TMTC1: variants seen among roughly 807,000 people sequenced by gnomAD.
TMTC1 encodes the protein protein O-mannosyl-transferase TMTC1.
TMTC1 carries 73 observed loss-of-function variants against 104.8 expected under a neutral mutation model. The observed-to-expected ratio is 0.70, with a 90% CI of 0.58 to 0.85. TMTC1 has a LOEUF of 0.85. TMTC1 is among the 40% of genes least tolerant of loss of function. The pLI, the probability that TMTC1 is intolerant of heterozygous loss-of-function variation, is 0.00. For synonymous variants in TMTC1, 434 were observed against 428.7 expected, an observed-to-expected ratio of 1.01 and a Z score of -0.15; for missense variants, 1,035 against 1,096.1, an observed-to-expected ratio of 0.94 and a Z score of 0.79.
Position 29,643,798 on chromosome 12 carries a change from C to CATATTTATATATTTATATATTTATAT in TMTC1, c.939-10463_939-10462insATATAAATATATAAATATATAAATAT, listed in dbSNP as rs1555180885. On this transcript the variant is annotated intron_variant, in intron 5 of 17. Transcript: ENST00000539277. ...TTATATATTTATATATATTTATATA[C>CATATTTATATATTTATATATTTATAT]ATATTTATATATTTATATATATTTA... Among the ~76,000 whole-genome samples the CATATTTATATATTTATATATTTATAT allele has an allele frequency of 1.3e-3, 44 of 33,432 alleles. 1 individual carries two copies. Among genetic ancestry groups the CATATTTATATATTTATATATTTATAT allele is most frequent in the Non-Finnish European group, 1.9e-3 (36 of 18,752 alleles). The allele number at this position is 33,432 out of a possible 152,430, so 21.9% of individuals were successfully genotyped here.
At chr12:29,568,009 C>T (rs548818336) in intron 9 of TMTC1, among the ~76,000 whole-genome samples, 3 of 152,154 alleles carry the variant, frequency 2.0e-5, no homozygotes, top group Non-Finnish European at 2.9e-5. Flanking sequence ...TCTTTTTCCA[C>T]ATACATGTAC....
At chr12:29,532,961 A>G (rs1944546790) in intron 11 of TMTC1, 1 of 152,040 alleles carries the variant, frequency 6.6e-6, no homozygotes, top group Admixed American at 6.6e-5. Context: ...TGTACCATGG[A>G]AATCTTTCTT....
At chr12:29,590,783 T>C (rs1233448413) in intron 7 of TMTC1, among the ~76,000 whole-genome samples, 2 of 152,106 alleles carry the variant, frequency 1.3e-5, no homozygotes, top group Non-Finnish European at 2.9e-5. Context: ...AAACTCCGTC[T>C]CAAACAAAAC....
rs373433450 is a variant in TMTC1 at position 29,656,700 on chromosome 12, C to T, written c.939-23364G>A. Among the ~76,000 whole-genome samples, 60 of 152,266 alleles carry T rather than the reference C, an allele frequency of 3.9e-4. No individual in the cohort carries two copies. In the East Asian group the frequency reaches 4.8e-3, roughly 12 times the overall value. Reference sequence around the variant, plus strand: ...TTAATTGAACTGCCTGAGTTACAGTCGCTTGGATGGACTGATTCACAGACA... The same window carrying T: ...TTAATTGAACTGCCTGAGTTACAGTTGCTTGGATGGACTGATTCACAGACA... On this transcript the variant is annotated intron_variant, in intron 5 of 17. Transcript: ENST00000539277.
chr12:29,642,850 A>T (rs1324408507), intron 5 of TMTC1, among the ~76,000 whole-genome samples: 2 of 151,730 alleles, frequency 1.3e-5, no homozygotes, highest in Non-Finnish European at 2.9e-5. Flanking sequence ...GCGTGAACCC[A>T]GGAGGCGGAG....
At chr12:29,567,888 G>A (rs1024269468) in intron 9 of TMTC1, among the ~76,000 whole-genome samples, 2 of 152,164 alleles carry the variant, frequency 1.3e-5, no homozygotes, top group Non-Finnish European at 2.9e-5. Flanking sequence ...TAATAAAGTA[G>A]TCTTACTGAT....
chr12:29,505,999 A>AT lies in TMTC1; in HGVS notation c.*846dup, dbSNP rs1221489208. ...ACATTTCTCTTAGTTAATATCTTTA[A>AT]TTTTTTATGTAGAATATACTATTTT... On this transcript the variant is annotated 3_prime_UTR_variant, in exon 18 of 18. Coordinates refer to ENST00000539277, the MANE Select transcript of TMTC1 (RefSeq NM_001193451.2). The AT allele has an allele frequency of 6.6e-6, 1 of 152,132 alleles. No homozygotes were observed. Among genetic ancestry groups the AT allele is most frequent in the Non-Finnish European group, 1.5e-5 (1 of 68,010 alleles). 9.4% of individuals were successfully genotyped at this position (152,132 alleles called of 1,614,324 possible).
chr12:29,682,495 A>G (rs895318844), intron 5 of TMTC1, among the ~76,000 whole-genome samples: 2 of 152,218 alleles, frequency 1.3e-5, no homozygotes, highest in Non-Finnish European at 2.9e-5. Context: ...ACTAAAAAAA[A>G]CCAAAATGTA....
chr12:29,515,751 G>GA (rs1320006180), intron 15 of TMTC1, among the ~76,000 whole-genome samples: 1 of 59,710 alleles, frequency 1.7e-5, no homozygotes, highest in African/African-American at 5.5e-5. Context: ...CAAGGGCAGT[G>GA]ACTTTTTTTT....
At chr12:29,746,664 C>T (rs950750555) in intron 5 of TMTC1, among the ~76,000 whole-genome samples, 1 of 152,110 alleles carries the variant, frequency 6.6e-6, no homozygotes, top group Non-Finnish European at 1.5e-5. Flanking sequence ...TATATGCCTC[C>T]CTATGTCTCT....
intron 5 of TMTC1, among the ~76,000 whole-genome samples, chr12:29,676,150 C>T (rs1418332491): frequency 6.6e-6 from 1 of 152,176 alleles, no homozygotes; most frequent in Non-Finnish European, 1.5e-5. Context: ...ACTAAAATTC[C>T]AAAACCTCAC....
intron 1 of TMTC1, among the ~76,000 whole-genome samples, chr12:29,768,751 C>CCCCA (rs1440507136): frequency 6.6e-6 from 1 of 152,118 alleles, no homozygotes; most frequent in Non-Finnish European, 1.5e-5. Flanking sequence ...GATCTCAGTA[C>CCCCA]CTGATTTCTA....
chr12:29,634,995 G>A (rs1344018313), intron 5 of TMTC1, among the ~76,000 whole-genome samples: 1 of 152,150 alleles, frequency 6.6e-6, no homozygotes, highest in Non-Finnish European at 1.5e-5. Context: ...CTGCAGGGCA[G>A]GAGGGAGATT....
intron 5 of TMTC1, among the ~76,000 whole-genome samples, chr12:29,684,461 A>C (rs1941029178): frequency 6.6e-6 from 1 of 152,192 alleles, no homozygotes; most frequent in Admixed American, 6.5e-5. Flanking sequence ...AGCAAAAAAG[A>C]GGGCTTTCTC....
chr12:29,597,326 C>T (rs1474258408), intron 7 of TMTC1, among the ~76,000 whole-genome samples: 2 of 148,918 alleles, frequency 1.3e-5, no homozygotes, highest in African/African-American at 2.5e-5. Flanking sequence ...TGTCCTGCCT[C>T]GGCCTCCCAA....
Position 29,783,701 on chromosome 12 carries a change from G to A in TMTC1, c.51C>T (p.Ser17=). The change falls in exon 1 of 18, where the codon TCC becomes TCT. Residue 17 remains serine (S), a synonymous_variant. Coordinates refer to ENST00000539277, the MANE Select transcript of TMTC1 (RefSeq NM_001193451.2). This position sits in a 1 kb window ranked among gnomAD's most constrained non-coding sequence, Gnocchi z 4.7. ...ARGGGGDRTP[S]RRRGCGLAPA... is the part of the protein sequence containing the mutation. The stretch of plus-strand genomic sequence containing the variant: ...GCGCTAGCCCGCAGCCCCGCCGCCG[G>A]GAGGGTGTGCGGTCCCCGCCGCCGC... 2 of 1,258,322 alleles carry A rather than the reference G, an allele frequency of 1.6e-6. No homozygotes were observed. Among genetic ancestry groups the A allele is most frequent in the Middle Eastern group, 3.1e-4 (1 of 3,196 alleles). The allele number at this position is 1,258,322 out of a possible 1,614,324, so 77.9% of individuals were successfully genotyped here.
intron 2 of TMTC1, among the ~76,000 whole-genome samples, chr12:29,766,806 C>G (rs1292306616): frequency 6.6e-6 from 1 of 152,050 alleles, no homozygotes; most frequent in East Asian, 1.9e-4. Context: ...GCCCATGGAC[C>G]TCTCATCAAG....
At chr12:29,769,430 T>C (rs1223259730) in intron 1 of TMTC1, among the ~76,000 whole-genome samples, 1 of 152,052 alleles carries the variant, frequency 6.6e-6, no homozygotes, top group African/African-American at 2.4e-5. Flanking sequence ...TGGTGGGAAA[T>C]TGCCCATCCA....
At chr12:29,588,158 C>T (rs1234604894) in intron 7 of TMTC1, among the ~76,000 whole-genome samples, 2 of 152,110 alleles carry the variant, frequency 1.3e-5, no homozygotes, top group Non-Finnish European at 2.9e-5. Context: ...GCTAAGGAGA[C>T]CCATGTTCTC....
Sources: allele counts gnomAD v4.1 joint callset (sites outside exome capture counted in the v4.1 genomes callset), GRCh38; gene constraint gnomAD v4.1.1; non-coding constraint Gnocchi (gnomAD v3.1); transcripts MANE v1.5; gene names NCBI Gene and HGNC (gene_info 2026-07-23, HGNC 2026-07-21).